RNF217: variants seen among roughly 807,000 people sequenced by gnomAD.
RNF217 encodes the protein E3 ubiquitin-protein ligase RNF217.
Under a neutral mutation model 57.8 loss-of-function variants are expected in RNF217, and 31 were observed. The observed-to-expected ratio is 0.54, with a 90% CI of 0.40 to 0.72. The LOEUF is 0.72. Among genes scored for constraint, RNF217 ranks in the 30% least tolerant of loss-of-function variants. RNF217 has a pLI of 0.00. For missense variants in RNF217, 696 were observed against 708.3 expected, an observed-to-expected ratio of 0.98 and a Z score of 0.20; for synonymous variants, 313 against 294.0, an observed-to-expected ratio of 1.06 and a Z score of -0.66.
chr6:124,983,491 G>A (rs1305202373), intron 1 of RNF217: 2 of 984,306 alleles, frequency 2.0e-6, no homozygotes, highest in African/African-American at 3.5e-5. Context: ...TGTCACTAAT[G>A]AAAAGGACCT....
chr6:124,978,221 C>A (rs1452565141), intron 1 of RNF217, among the ~76,000 whole-genome samples: 2 of 152,076 alleles, frequency 1.3e-5, no homozygotes, highest in African/African-American at 4.8e-5. Flanking sequence ...AGGATTCCTT[C>A]TGTGCTGCTT....
rs61496685 is a variant in RNF217 at position 125,071,484 on chromosome 6, A to ATGTGTGTGTG, written c.1282-5129_1282-5120dup. On this transcript the variant is annotated intron_variant, in intron 3 of 5. Transcript: ENST00000521654. ...TTCAACTTGGAGCATCTGCCTACAT[A>ATGTGTGTGTG]TGTGTGTGTGTGTGTGTGTGTGTGT... 1.5e-4 allele frequency among the ~76,000 whole-genome samples: 21 copies of ATGTGTGTGTG among 136,836 alleles called. No homozygotes were observed. The East Asian group carries it at 4.1e-3, about 27-fold the overall frequency. 89.8% of individuals were successfully genotyped at this position (136,836 alleles called of 152,430 possible).
At chr6:125,082,418 T>C (rs1426149400) in intron 5 of RNF217, 2 of 1,558,930 alleles carry the variant, frequency 1.3e-6, no homozygotes, top group Admixed American at 3.8e-5. Flanking sequence ...TAGGACATTA[T>C]GTAATAGATA....
intron 1 of RNF217, among the ~76,000 whole-genome samples, chr6:125,041,174 T>C (rs760233873): frequency 6.6e-6 from 1 of 152,122 alleles, no homozygotes; most frequent in African/African-American, 2.4e-5. Flanking sequence ...AAACATCATG[T>C]TGTATACCAT....
chr6:124,974,594 C>T (rs900160518), intron 1 of RNF217, among the ~76,000 whole-genome samples: 1 of 152,060 alleles, frequency 6.6e-6, no homozygotes, highest in African/African-American at 2.4e-5. Context: ...ATTTCCTTTC[C>T]ATTAGAGTAT....
intron 1 of RNF217, among the ~76,000 whole-genome samples, chr6:125,002,049 C>A (rs1490339336): frequency 6.6e-6 from 1 of 152,130 alleles, no homozygotes. Context: ...TTTTTATGAG[C>A]CCCAAACTCC....
intron 1 of RNF217, among the ~76,000 whole-genome samples, chr6:125,014,432 T>A (rs1455256041): frequency 9.2e-5 from 14 of 152,198 alleles, no homozygotes; most frequent in Admixed American, 9.2e-4. Flanking sequence ...ATAATTGATA[T>A]CAAGCTCTGC....
At chr6:125,027,661 T>C (rs570109065) in intron 1 of RNF217, among the ~76,000 whole-genome samples, 1 of 152,328 alleles carries the variant, frequency 6.6e-6, no homozygotes, top group African/African-American at 2.4e-5. Context: ...CTCTTTTGGG[T>C]ATATACCCAG....
intron 1 of RNF217, among the ~76,000 whole-genome samples, chr6:124,988,963 T>G (rs1245457609): frequency 6.6e-6 from 1 of 152,058 alleles, no homozygotes. Context: ...GCTTCCAAGT[T>G]TTGCAGCTCT....
chr6:124,993,547 C>T (rs778013109), intron 1 of RNF217, among the ~76,000 whole-genome samples: 21 of 152,080 alleles, frequency 1.4e-4, no homozygotes, highest in Admixed American at 3.9e-4. Context: ...CGCACTATTC[C>T]AGATCTTGGC....
intron 1 of RNF217, 115 bp downstream of exon 1, chr6:124,963,541 G>C (rs1783396454): frequency 8.2e-7 from 1 of 1,225,836 alleles, no homozygotes. Context: ...ACTTACTGAG[G>C]ATCTCTGTTA....
intron 1 of RNF217, chr6:124,983,414 G>A (rs1784248948): frequency 2.0e-6 from 2 of 984,856 alleles, no homozygotes; most frequent in Non-Finnish European, 1.2e-6. Flanking sequence ...GGTAGAGAGT[G>A]AAATATGGTC....
At chr6:125,025,514 C>T (rs1310666739) in intron 1 of RNF217, among the ~76,000 whole-genome samples, 1 of 145,416 alleles carries the variant, frequency 6.9e-6, no homozygotes. Flanking sequence ...TGCTTTCTAC[C>T]GAGGAGGGAG....
At chr6:125,061,360 A>G (rs1351203184) in intron 3 of RNF217, among the ~76,000 whole-genome samples, 5 of 151,690 alleles carry the variant, frequency 3.3e-5, no homozygotes, top group Non-Finnish European at 7.4e-5. Context: ...TTAATTTAAT[A>G]ATTTTAAAAT....
chr6:125,008,255 C>CA (rs111356425), intron 1 of RNF217, among the ~76,000 whole-genome samples: 11,811 of 137,550 alleles, frequency 0.086, 1,581 homozygotes, highest in African/African-American at 0.29. Context: ...GACTCTGTCT[C>CA]AAAAAAAAAA....
At chr6:125,027,340 ACT>A (rs1256060413) in intron 1 of RNF217, among the ~76,000 whole-genome samples, 1 of 151,932 alleles carries the variant, frequency 6.6e-6, no homozygotes, top group East Asian at 1.9e-4. Flanking sequence ...CCATCCTTCT[ACT>A]CTCTATGTCC....
chr6:124,983,351 G>A lies in RNF217; in HGVS notation c.882+19925G>A, dbSNP rs1474323751. 8.1e-6 allele frequency: 8 copies of A among 983,340 alleles called. No individual in the cohort carries two copies. The South Asian group carries it at 2.4e-4, about 29-fold the overall frequency. 60.9% of individuals were successfully genotyped at this position (983,340 alleles called of 1,614,324 possible). The stretch of plus-strand genomic sequence containing the variant: ...TAACTAAGATGTGGGATAGAACTCC[G>A]ACTGTGTACTTTATTTAGTATACAG... On this transcript the variant is annotated intron_variant, in intron 1 of 5. Transcript: ENST00000521654.
chr6:125,005,699 A>G (rs1354821679), intron 1 of RNF217, among the ~76,000 whole-genome samples: 1 of 152,230 alleles, frequency 6.6e-6, no homozygotes, highest in Admixed American at 6.5e-5. Flanking sequence ...CATGTACCAT[A>G]TTACATTCGA....
chr6:125,068,445 T>C (rs1788017095), intron 3 of RNF217, among the ~76,000 whole-genome samples: 2 of 152,190 alleles, frequency 1.3e-5, no homozygotes, highest in Non-Finnish European at 2.9e-5. Flanking sequence ...AGCTCATCTA[T>C]TGAGTACTGT....
Sources: allele counts gnomAD v4.1 joint callset (sites outside exome capture counted in the v4.1 genomes callset), GRCh38; gene constraint gnomAD v4.1.1; transcripts MANE v1.5; gene names NCBI Gene and HGNC (gene_info 2026-07-23, HGNC 2026-07-21).